Variants in NAALADL2 observed in about 807,000 individuals in gnomAD.
The protein encoded by NAALADL2 is inactive N-acetylated-alpha-linked acidic dipeptidase-like protein 2.
A neutral mutation model predicts 87.2 loss-of-function variants in NAALADL2; 76 were observed. That is an observed-to-expected ratio of 0.87 (90% CI 0.72 to 1.05). The LOEUF is 1.05. NAALADL2 is among the 50% of genes least tolerant of loss of function. NAALADL2 has a pLI of 0.00. For synonymous variants in NAALADL2, 354 were observed against 331.0 expected, an observed-to-expected ratio of 1.07 and a Z score of -0.75; for missense variants, 1,089 against 945.8, an observed-to-expected ratio of 1.15 and a Z score of -1.99.
intron 11 of NAALADL2, among the ~76,000 whole-genome samples, chr3:175,665,093 T>A (rs1459453195): frequency 6.6e-6 from 1 of 151,858 alleles, no homozygotes; most frequent in Non-Finnish European, 1.5e-5. Flanking sequence ...CAGCAATTTA[T>A]CTCACACCTG....
At chr3:175,596,174 C>T (rs1490363719) in intron 10 of NAALADL2, among the ~76,000 whole-genome samples, 2 of 151,712 alleles carry the variant, frequency 1.3e-5, no homozygotes, top group African/African-American at 2.4e-5. Context: ...GTTTATGTTC[C>T]AGTTAGCTGA....
intron 1 of NAALADL2, among the ~76,000 whole-genome samples, chr3:175,048,458 T>C (rs1754951774): frequency 6.6e-6 from 1 of 152,134 alleles, no homozygotes; most frequent in Non-Finnish European, 1.5e-5. Context: ...CTTGAAATTG[T>C]TTGTTCATTT....
chr3:175,388,850 A>G (rs1248980705), intron 5 of NAALADL2, among the ~76,000 whole-genome samples: 1 of 152,116 alleles, frequency 6.6e-6, no homozygotes, highest in Non-Finnish European at 1.5e-5. Flanking sequence ...GTTACTCACT[A>G]TTAATAGAAT....
intron 1 of NAALADL2, among the ~76,000 whole-genome samples, chr3:174,550,256 A>G (rs149090002): frequency 8.5e-5 from 13 of 152,172 alleles, no homozygotes; most frequent in Admixed American, 3.3e-4. Flanking sequence ...TTTCCTAGTG[A>G]CAAATGTTAT....
At chr3:175,530,176 G>A (rs930927322) in intron 9 of NAALADL2, among the ~76,000 whole-genome samples, 9 of 152,174 alleles carry the variant, frequency 5.9e-5, no homozygotes. Flanking sequence ...GGTGTCCACA[G>A]AACAGGTCAT....
chr3:175,090,750 A>C (rs938921652), intron 1 of NAALADL2, among the ~76,000 whole-genome samples: 2 of 152,122 alleles, frequency 1.3e-5, no homozygotes, highest in African/African-American at 4.8e-5. Flanking sequence ...TGTACTACTC[A>C]TTTTAGAGTA....
chr3:174,828,657 G>GT (rs754034812), intron 3 of NAALADL2, among the ~76,000 whole-genome samples: 53 of 152,170 alleles, frequency 3.5e-4, no homozygotes, highest in Non-Finnish European at 6.8e-4. Flanking sequence ...CTTCATTAGT[G>GT]TGTCTTCTTT....
chr3:175,056,559 T>C (rs28819679), intron 1 of NAALADL2, among the ~76,000 whole-genome samples: 6,596 of 152,152 alleles, frequency 0.043, 496 homozygotes, highest in African/African-American at 0.15. Flanking sequence ...GCTAGAGGAA[T>C]TAAAGACATA....
chr3:174,608,180 A>T (rs1411900500), intron 2 of NAALADL2, among the ~76,000 whole-genome samples: 14 of 151,998 alleles, frequency 9.2e-5, no homozygotes, highest in Admixed American at 7.2e-4. Flanking sequence ...TGTAGAGGGA[A>T]ATTTATAGCA....
At chr3:175,704,676 A>G (rs1365853311) in intron 11 of NAALADL2, among the ~76,000 whole-genome samples, 1 of 152,090 alleles carries the variant, frequency 6.6e-6, no homozygotes, top group African/African-American at 2.4e-5. Flanking sequence ...ATTGATCTAT[A>G]CCTTTGTTTC....
rs747837190 is a variant in NAALADL2, at chr3:174,949,301, CA to C, written c.43+89853del. On this transcript the variant is annotated intron_variant, in intron 1 of 13. Transcript: ENST00000454872. ...TCAGGTGCAAGTGTCCCCAGAAAGC[CA>C]ATTGGAATCTATTTTACCTGTTACG... 3.3e-5 allele frequency among the ~76,000 whole-genome samples: 5 copies of C among 152,192 alleles called. No homozygotes were observed. The East Asian group carries it at 7.7e-4, about 24-fold the overall frequency.
intron 3 of NAALADL2, among the ~76,000 whole-genome samples, chr3:174,807,483 C>A (rs948287554): frequency 6.6e-6 from 1 of 151,990 alleles, no homozygotes; most frequent in African/African-American, 2.4e-5. Context: ...TTAAATTATT[C>A]TTTTTCTGTT....
rs756214274 is a variant in NAALADL2, at chr3:175,639,318, C to CTTTTTT, written c.1896+11947_1896+11952dup. Among the ~76,000 whole-genome samples, 43 of 108,716 alleles carry CTTTTTT rather than the reference C, an allele frequency of 4.0e-4. 1 individual carries two copies. The highest frequency in any genetic ancestry group is 8.3e-4 in the African/African-American group (20 of 24,170). 71.3% of individuals were successfully genotyped at this position (108,716 alleles called of 152,430 possible). ...GCAGTTTTTTTTCAAAAGCGTTATT[C>CTTTTTT]TTTTTTTTTTTTTTTTTTTTGAGAC... On this transcript the variant is annotated intron_variant, in intron 11 of 13. Transcript: ENST00000454872.
chr3:175,048,708 G>A (rs1009949419), intron 1 of NAALADL2, among the ~76,000 whole-genome samples: 1 of 151,992 alleles, frequency 6.6e-6, no homozygotes, highest in Non-Finnish European at 1.5e-5. Context: ...GCTAAGTATT[G>A]TTTTATTTTA....
upstream of NAALADL2, among the ~76,000 whole-genome samples, chr3:174,856,045 C>T (rs1277752965): frequency 6.6e-6 from 1 of 151,348 alleles, no homozygotes; most frequent in African/African-American, 2.4e-5. Context: ...CTCAGTCTGT[C>T]ACTCAGGCTG....
In NAALADL2 at chr3:175,808,112, G is replaced by A. The variant is rs1221914754; in HGVS notation, c.*4909G>A. ...GCCAGAGTTTTAGTTTCATAATATC[G>A]TTCCATTGCCTGACAAAGATATACA... On this transcript the variant is annotated 3_prime_UTR_variant, in exon 14 of 14. Coordinates refer to ENST00000454872, the MANE Select transcript of NAALADL2 (RefSeq NM_207015.3). 6.6e-6 allele frequency: 1 copy of A among 151,728 alleles called. No individual in the cohort carries two copies. Among genetic ancestry groups the A allele is most frequent in the African/African-American group, 2.4e-5 (1 of 41,354 alleles). The allele number at this position is 151,728 out of a possible 1,614,324, so 9.4% of individuals were successfully genotyped here.
intron 1 of NAALADL2, among the ~76,000 whole-genome samples, chr3:174,516,759 T>G (rs1053996948): frequency 6.6e-6 from 1 of 151,992 alleles, no homozygotes; most frequent in Non-Finnish European, 1.5e-5. Flanking sequence ...TATAGTACTG[T>G]TTTTACTAAA....
chr3:174,795,419 T>C (rs1560232571), intron 3 of NAALADL2, among the ~76,000 whole-genome samples: 2 of 152,148 alleles, frequency 1.3e-5, no homozygotes, highest in East Asian at 3.8e-4. Flanking sequence ...GCCTCAAATA[T>C]TGTATTTATC....
intron 10 of NAALADL2, among the ~76,000 whole-genome samples, chr3:175,625,188 G>T (rs13313871): frequency 6.5e-4 from 99 of 152,032 alleles, no homozygotes; most frequent in African/African-American, 2.2e-3. Context: ...TGCTAATATT[G>T]TTCCACATTT....
Sources: gnomAD v4.1 joint callset for allele counts (sites outside exome capture counted in the v4.1 genomes callset) on GRCh38, gnomAD v4.1.1 for gene constraint, MANE v1.5 for transcripts, NCBI Gene and HGNC (gene_info 2026-07-23, HGNC 2026-07-21) for gene names.